Variants in CCDC178 observed in about 807,000 individuals in gnomAD.
CCDC178 encodes coiled-coil domain-containing protein 178.
In CCDC178, 126 loss-of-function variants were observed where a neutral mutation model predicts 117.4. That is an observed-to-expected ratio of 1.07 (90% CI 0.93 to 1.24). CCDC178 has a LOEUF of 1.24. Among genes scored for constraint, CCDC178 ranks in the 50% most tolerant of loss-of-function variants. CCDC178 has a pLI of 0.00. For synonymous variants in CCDC178, 283 were observed against 313.4 expected (o/e 0.90, Z 1.02); for missense variants, 1,030 against 986.9 (o/e 1.04, Z -0.59).
chr18:33,332,987 A>G (rs947543434), intron 10 of CCDC178, among the ~76,000 whole-genome samples, 187 bp downstream of exon 10: 1 of 152,044 alleles, frequency 6.6e-6, no homozygotes, highest in Non-Finnish European at 1.5e-5. Flanking sequence ...AATCTTAAAT[A>G]TAATGGTAAG....
chr18:33,002,145 T>C (rs980488576), intron 21 of CCDC178, among the ~76,000 whole-genome samples: 3 of 151,968 alleles, frequency 2.0e-5, no homozygotes, highest in Admixed American at 2.0e-4. Flanking sequence ...AACAAGAAAA[T>C]ATCAGATGTA....
intron 5 of CCDC178, among the ~76,000 whole-genome samples, chr18:33,375,482 G>C (rs534898707): frequency 6.6e-6 from 1 of 152,252 alleles, no homozygotes; most frequent in East Asian, 1.9e-4. Context: ...TGAGAGTAAG[G>C]AAGGGAGGTC....
chr18:33,402,093 C>G (rs904452375), intron 3 of CCDC178, among the ~76,000 whole-genome samples: 10 of 152,054 alleles, frequency 6.6e-5, no homozygotes, highest in Non-Finnish European at 1.2e-4. Context: ...CACAAATGTT[C>G]ACAGCCTATG....
chr18:33,156,245 C>T (rs1028853638), intron 20 of CCDC178, among the ~76,000 whole-genome samples: 13 of 151,678 alleles, frequency 8.6e-5, no homozygotes, highest in Admixed American at 2.0e-4. Context: ...CCTGCCACCA[C>T]GCCCAGCTAA....
At chr18:33,131,748 G>C (rs570175547) in intron 20 of CCDC178, among the ~76,000 whole-genome samples, 4 of 151,736 alleles carry the variant, frequency 2.6e-5, no homozygotes, top group African/African-American at 4.8e-5. Flanking sequence ...CTGAGCTTCA[G>C]TTTCCTTAAC....
intron 20 of CCDC178, among the ~76,000 whole-genome samples, chr18:33,207,763 TAGC>T (rs1403613356): frequency 2.0e-5 from 3 of 152,060 alleles, no homozygotes; most frequent in African/African-American, 7.2e-5. Context: ...AATATAGTAT[TAGC>T]AGTAATTCTG....
At position 33,215,542 on chromosome 18, in the gene CCDC178, GT is replaced by G; in HGVS notation, c.2078+7del. 1.6e-6 allele frequency: 2 copies of G among 1,275,010 alleles called. No homozygotes were observed. The highest frequency in any genetic ancestry group is 2.1e-6 in the Non-Finnish European group (2 of 949,576). The allele number at this position is 1,275,010 out of a possible 1,614,324, so 79.0% of individuals were successfully genotyped here. A position where few individuals can be genotyped will look rare whatever the true frequency, so the allele number is the denominator to read the frequency against. Reference sequence around the variant, plus strand: ...AACTTCATATTTTGATAAAGTTTAAGTACTTACTTTAATATTTCAAGTGTCT... The same window carrying G: ...AACTTCATATTTTGATAAAGTTTAAGACTTACTTTAATATTTCAAGTGTCT... On this transcript the variant is annotated splice_region_variant and intron_variant, in intron 19 of 22. Transcript: ENST00000383096.
At chr18:33,076,698 G>T (rs1198517639) in intron 21 of CCDC178, among the ~76,000 whole-genome samples, 1 of 152,170 alleles carries the variant, frequency 6.6e-6, no homozygotes, top group African/African-American at 2.4e-5. Flanking sequence ...GTGTGAGGGG[G>T]AGGAGGCGGT....
At chr18:33,068,791 T>C (rs1317591018) in intron 21 of CCDC178, among the ~76,000 whole-genome samples, 2 of 152,166 alleles carry the variant, frequency 1.3e-5, no homozygotes, top group Non-Finnish European at 2.9e-5. Flanking sequence ...ACTACTCTTA[T>C]TCAACATGGT....
intron 20 of CCDC178, among the ~76,000 whole-genome samples, chr18:33,095,946 A>G (rs1053066967): frequency 1.3e-5 from 2 of 152,014 alleles, no homozygotes; most frequent in African/African-American, 4.8e-5. Context: ...TGTGAACCTC[A>G]TTAAACTGTA....
chr18:33,432,234 A>C (rs1252990490), intron 2 of CCDC178, among the ~76,000 whole-genome samples: 1 of 152,144 alleles, frequency 6.6e-6, no homozygotes, highest in Admixed American at 6.6e-5. Context: ...ATTTGCTGCT[A>C]AACTAGTAGA....
At chr18:33,165,059 G>A (rs898041185) in intron 20 of CCDC178, among the ~76,000 whole-genome samples, 1 of 152,152 alleles carries the variant, frequency 6.6e-6, no homozygotes, top group Non-Finnish European at 1.5e-5. Flanking sequence ...AGAAAAGTCT[G>A]TACATTTTGG....
intron 15 of CCDC178, among the ~76,000 whole-genome samples, chr18:33,230,666 C>A (rs763977390): frequency 6.6e-6 from 1 of 152,054 alleles, no homozygotes; most frequent in Non-Finnish European, 1.5e-5. Flanking sequence ...CCCATTACAA[C>A]GTCACAATCA....
intron 21 of CCDC178, among the ~76,000 whole-genome samples, chr18:33,068,132 C>T (rs780711681): frequency 2.0e-5 from 3 of 151,824 alleles, no homozygotes; most frequent in Non-Finnish European, 4.4e-5. Flanking sequence ...AAATAGAAAA[C>T]GTGAACAGAT....
At chr18:33,341,501 G>C (rs968778516) in intron 9 of CCDC178, among the ~76,000 whole-genome samples, 1 of 152,172 alleles carries the variant, frequency 6.6e-6, no homozygotes, top group Non-Finnish European at 1.5e-5. Flanking sequence ...TAGTTTGGCT[G>C]TGTCTCCATT....
intron 21 of CCDC178, among the ~76,000 whole-genome samples, chr18:33,057,987 AAGAG>A (rs1216713076): frequency 1.3e-5 from 2 of 152,304 alleles, no homozygotes; most frequent in Admixed American, 6.5e-5. Context: ...AAAATAAAAA[AAGAG>A]AGACAATAGC....
chr18:33,310,977 A>C (rs1241275031), intron 11 of CCDC178, among the ~76,000 whole-genome samples: 2 of 152,092 alleles, frequency 1.3e-5, no homozygotes, highest in Admixed American at 1.3e-4. Context: ...AATGGAAAAA[A>C]AGAGGTGGGT....
intron 21 of CCDC178, among the ~76,000 whole-genome samples, chr18:33,082,535 G>A (rs384703): frequency 0.14 from 21,648 of 152,022 alleles, 2,389 homozygotes; most frequent in African/African-American, 0.31. Context: ...ATTTGGATAC[G>A]GACAAAATTC....
chr18:33,212,171 C>G, intron 19 of CCDC178, 116 bp from the exon 20 acceptor site: 1 of 704,568 alleles, frequency 1.4e-6, no homozygotes, highest in Non-Finnish European at 2.2e-6. Flanking sequence ...CTTGAACTGA[C>G]AGGCCTTGGA....
Sources: allele counts gnomAD v4.1 joint callset (sites outside exome capture counted in the v4.1 genomes callset), GRCh38; gene constraint gnomAD v4.1.1; transcripts MANE v1.5; gene names NCBI Gene and HGNC (gene_info 2026-07-23, HGNC 2026-07-21).